KHDRBS2: variants seen among roughly 807,000 people sequenced by gnomAD.
KHDRBS2 encodes the protein KH domain-containing, RNA-binding, signal transduction-associated protein 2.
Under a neutral mutation model 44.3 loss-of-function variants are expected in KHDRBS2, and 26 were observed. That is an observed-to-expected ratio of 0.59 (90% CI 0.43 to 0.81). The LOEUF (loss-of-function observed/expected upper bound fraction) is 0.81, where lower values mean the gene tolerates loss of function less well. Among genes scored for constraint, KHDRBS2 ranks in the 40% least tolerant of loss-of-function variants. The pLI, the probability that KHDRBS2 is intolerant of heterozygous loss-of-function variation, is 0.00. For missense variants in KHDRBS2, 476 were observed against 433.1 expected (o/e 1.10, Z -0.88); for synonymous variants, 194 against 151.1 (o/e 1.28, Z -2.08).
chr6:62,154,135 A>G (rs1815853961), intron 2 of KHDRBS2, among the ~76,000 whole-genome samples: 1 of 152,176 alleles, frequency 6.6e-6, no homozygotes, highest in Non-Finnish European at 1.5e-5. Flanking sequence ...GCTGTATGAA[A>G]AGGTATCAGA....
At chr6:61,841,806 C>T (rs1054154239) in intron 6 of KHDRBS2, among the ~76,000 whole-genome samples, 1 of 151,972 alleles carries the variant, frequency 6.6e-6, no homozygotes, top group East Asian at 1.9e-4. Flanking sequence ...TATAACATCC[C>T]TTAAAGAGTT....
the KHDRBS2 span, among the ~76,000 whole-genome samples, chr6:61,574,920 A>T: frequency 2.0e-5 from 3 of 152,144 alleles, no homozygotes; most frequent in Admixed American, 1.3e-4. Flanking sequence ...AAAAAAGAGA[A>T]AAGAATGAAA....
chr6:62,142,493 C>A (rs951097274), intron 2 of KHDRBS2, among the ~76,000 whole-genome samples: 75 of 151,976 alleles, frequency 4.9e-4, no homozygotes, highest in African/African-American at 1.7e-3. Flanking sequence ...GTTCGTTTTA[C>A]GTGCAAATGT....
rs113615352 is a variant in KHDRBS2 at position 61,794,840 on chromosome 6, T to C, written c.811-62076A>G. ...AAATCTGACAAATTCTGCTAGAAAT[T>C]GAGAAAAATATATTCAGGCCGGGCG... On this transcript the variant is annotated intron_variant, in intron 6 of 8. Transcript: ENST00000281156. Among the ~76,000 whole-genome samples, 416 of 152,018 alleles carry C rather than the reference T, an allele frequency of 2.7e-3. 5 individuals carry two copies. Among genetic ancestry groups the C allele is most frequent in the African/African-American group, 9.7e-3 (402 of 41,514 alleles).
the KHDRBS2 span, among the ~76,000 whole-genome samples, chr6:61,626,980 G>A: frequency 6.6e-5 from 10 of 152,072 alleles, no homozygotes; most frequent in Non-Finnish European, 1.3e-4. Context: ...GGGGCCGGGC[G>A]CGGTGGCTCA....
intron 4 of KHDRBS2, among the ~76,000 whole-genome samples, chr6:61,936,755 G>A (rs1811106346): frequency 6.6e-6 from 1 of 152,000 alleles, no homozygotes; most frequent in Non-Finnish European, 1.5e-5. Flanking sequence ...ATTATTTCCT[G>A]TCAGTGCTTT....
intron 6 of KHDRBS2, among the ~76,000 whole-genome samples, chr6:61,794,503 A>C (rs1344885245): frequency 2.0e-5 from 3 of 152,188 alleles, no homozygotes; most frequent in Non-Finnish European, 4.4e-5. Context: ...GCAAAATTTT[A>C]AAAGTAATAG....
At chr6:62,188,974 G>A (rs1000001003) in intron 1 of KHDRBS2, among the ~76,000 whole-genome samples, 7 of 152,144 alleles carry the variant, frequency 4.6e-5, no homozygotes, top group African/African-American at 1.7e-4. Context: ...GATTAGCCAC[G>A]TGTGGTGGCA....
At chr6:62,108,277 G>C (rs1177382622) in intron 2 of KHDRBS2, among the ~76,000 whole-genome samples, 1 of 152,112 alleles carries the variant, frequency 6.6e-6, no homozygotes, top group Non-Finnish European at 1.5e-5. Context: ...ATCAAAAAGT[G>C]GGCGAAGGAC....
chr6:62,218,074 G>A (rs764427212), intron 1 of KHDRBS2, among the ~76,000 whole-genome samples: 30 of 151,018 alleles, frequency 2.0e-4, no homozygotes, highest in East Asian at 5.8e-4. Context: ...TTGCCAACAC[G>A]GGAAGAGACA....
the KHDRBS2 span, among the ~76,000 whole-genome samples, chr6:61,595,211 A>T: frequency 6.6e-6 from 1 of 152,152 alleles, no homozygotes; most frequent in South Asian, 2.1e-4. Context: ...AAGCAATCCC[A>T]TTGCTAGGTA....
At chr6:62,071,352 C>G (rs1003690562) in intron 2 of KHDRBS2, among the ~76,000 whole-genome samples, 11 of 152,260 alleles carry the variant, frequency 7.2e-5, no homozygotes, top group African/African-American at 2.6e-4. Flanking sequence ...TAATTAGATT[C>G]CATTTGTCCA....
chr6:62,042,717 T>A (rs2127300790), intron 3 of KHDRBS2, among the ~76,000 whole-genome samples: 1 of 152,222 alleles, frequency 6.6e-6, no homozygotes, highest in East Asian at 1.9e-4. Flanking sequence ...TTACTGTTGA[T>A]GAAAATCAAT....
chr6:61,864,004 G>T (rs530516589), intron 6 of KHDRBS2, among the ~76,000 whole-genome samples: 2 of 152,066 alleles, frequency 1.3e-5, no homozygotes, highest in East Asian at 1.9e-4. Flanking sequence ...AGATAGTTAG[G>T]TTTTTTTGTT....
At chr6:61,559,227 A>G in the KHDRBS2 span, among the ~76,000 whole-genome samples, 1 of 152,268 alleles carries the variant, frequency 6.6e-6, no homozygotes, top group Admixed American at 6.5e-5. Context: ...TGATATAAGT[A>G]TAGAAACTCC....
intron 6 of KHDRBS2, among the ~76,000 whole-genome samples, chr6:61,778,224 G>A (rs1285197207): frequency 2.0e-5 from 3 of 152,130 alleles, no homozygotes; most frequent in African/African-American, 7.2e-5. Context: ...AGAGTCATGA[G>A]GATTCGTTTA....
chr6:62,205,885 T>C (rs768781134), intron 1 of KHDRBS2, among the ~76,000 whole-genome samples: 15 of 152,114 alleles, frequency 9.9e-5, no homozygotes, highest in Non-Finnish European at 7.4e-5. Flanking sequence ...GCAGGTTTGC[T>C]GGGATGGAGA....
chr6:61,830,183 G>T (rs555114412), intron 6 of KHDRBS2, among the ~76,000 whole-genome samples: 22 of 152,152 alleles, frequency 1.4e-4, no homozygotes, highest in African/African-American at 4.8e-4. Context: ...GAAAGTGGAG[G>T]ATATATTGAT....
intron 2 of KHDRBS2, among the ~76,000 whole-genome samples, chr6:62,079,338 G>A (rs910057572): frequency 6.6e-6 from 1 of 151,770 alleles, no homozygotes; most frequent in African/African-American, 2.4e-5. Context: ...TAACATAACG[G>A]TCACCAGAAC....
Sources: gnomAD v4.1 joint callset for allele counts (sites outside exome capture counted in the v4.1 genomes callset) on GRCh38, gnomAD v4.1.1 for gene constraint, MANE v1.5 for transcripts, NCBI Gene and HGNC (gene_info 2026-07-23, HGNC 2026-07-21) for gene names.